SIRT7: variants seen among roughly 807,000 people sequenced by gnomAD.
SIRT7 encodes the protein NAD-dependent protein deacetylase sirtuin-7.
A neutral mutation model predicts 42.8 loss-of-function variants in SIRT7; 32 were observed. The observed-to-expected ratio is 0.75, with a 90% CI of 0.56 to 1.00. The LOEUF is 1.00. Ranked by LOEUF, SIRT7 falls within the 50% of genes least tolerant of loss-of-function variation. SIRT7 has a pLI of 0.00. For synonymous variants in SIRT7, 297 were observed against 245.2 expected, an observed-to-expected ratio of 1.21 and a Z score of -1.97; for missense variants, 553 against 572.2, an observed-to-expected ratio of 0.97 and a Z score of 0.34.
At chr17:81,914,812 C>T in intron 5 of SIRT7, 110 bp from the exon 6 acceptor site, 2 of 835,152 alleles carry the variant, frequency 2.4e-6, no homozygotes, top group East Asian at 5.0e-5. Context: ...GCTCCCAAAA[C>T]CAGGGGCAGC....
At chr17:81,916,298 A>T (rs1478691194) in intron 3 of SIRT7, 3 of 152,422 alleles carry the variant, frequency 2.0e-5, no homozygotes, top group Non-Finnish European at 2.9e-5. Context: ...TCCTGCTTAA[A>T]CTCAGAAAAA....
Position 81,914,429 on chromosome 17 carries a change from C to T in SIRT7, c.681G>A (p.Lys227=), listed in dbSNP as rs762564777. 12 of 1,613,400 alleles carry T rather than the reference C, an allele frequency of 7.4e-6. No individual in the cohort carries two copies. The East Asian group carries it at 2.7e-4, about 36-fold the overall frequency. ...TGGTGTCCCGCAGCTGGGTCCCACA[C>T]TTGTGGCAGGTCCGGCCTGTCTGGT... is the stretch of plus-strand genomic sequence containing the variant. ...HRHQTGRTCH[K]CGTQLRDTIV... Residue 227 remains lysine, a synonymous_variant, in exon 7 of 10, where the codon AAG becomes AAA. Coordinates refer to ENST00000328666, the MANE Select transcript of SIRT7 (RefSeq NM_016538.3).
chr17:81,911,995 A>G lies in SIRT7; in HGVS notation c.*421T>C, dbSNP rs765967836. ...AGGTCTGCATAGAGCCGAGGCTCGGAGCCACCCCTCTGCCGCACATCCAGT... is the reference window on the plus strand; with the variant it reads ...AGGTCTGCATAGAGCCGAGGCTCGGGGCCACCCCTCTGCCGCACATCCAGT... On this transcript the variant is annotated 3_prime_UTR_variant, in exon 10 of 10. Transcript: ENST00000328666. The G allele has an allele frequency of 4.2e-6, 1 of 235,790 alleles. No homozygotes were observed. The highest frequency in any genetic ancestry group is 4.5e-5 in the South Asian group (1 of 22,352). The allele number at this position is 235,790 out of a possible 1,614,324, so 14.6% of individuals were successfully genotyped here.
In SIRT7 at chr17:81,912,261, G is replaced by A; in HGVS notation, c.*155C>T. 1 of 936,784 alleles carries A rather than the reference G, an allele frequency of 1.1e-6. No individual in the cohort carries two copies. The highest frequency in any genetic ancestry group is 2.5e-5 in the East Asian group (1 of 40,392). 58.0% of individuals were successfully genotyped at this position (936,784 alleles called of 1,614,324 possible). A position where few individuals can be genotyped will look rare whatever the true frequency, so the allele number is the denominator to read the frequency against. On this transcript the variant is annotated 3_prime_UTR_variant, in exon 10 of 10. Coordinates refer to ENST00000328666, the MANE Select transcript of SIRT7 (RefSeq NM_016538.3). The stretch of plus-strand genomic sequence containing the variant: ...CGTATCAGGGTACAACCGCAGCAGT[G>A]CAAGGGGCTTCCTCAAGGACAAATG...
rs996817095 is a variant in SIRT7, at chr17:81,917,930, C to G, written c.131G>C (p.Ser44Thr). 3.6e-6 allele frequency: 5 copies of G among 1,396,228 alleles called. No individual in the cohort carries two copies. The highest frequency in any genetic ancestry group is 1.5e-5 in the African/African-American group (1 of 66,564). 86.5% of individuals were successfully genotyped at this position (1,396,228 alleles called of 1,614,324 possible). A position where few individuals can be genotyped will look rare whatever the true frequency, so the allele number is the denominator to read the frequency against. Residue 44 changes from serine (S) to threonine (T), a missense_variant, in exon 2 of 10, where the codon AGC (serine) becomes ACC (threonine). By Grantham distance (58) the Ser-to-Thr change is moderately conservative. Coordinates refer to ENST00000328666, the MANE Select transcript of SIRT7 (RefSeq NM_016538.3). The part of the protein sequence containing the change: ...RILRKAAAER[S>T]AEEGRLLAES... ...GGCCAGCAGCCGGCCCTCCTCGGCG[C>G]TGCGCTCCGCCGCCGCCTTCCTCAG...
At chr17:81,916,259 T>C (rs1025883828) in intron 3 of SIRT7, 1 of 154,066 alleles carries the variant, frequency 6.5e-6, no homozygotes, top group African/African-American at 2.4e-5. Flanking sequence ...GATCAAGGTG[T>C]CTTGTGTTCC....
In SIRT7 at chr17:81,912,515, C is replaced by T. The variant is rs773731851; in HGVS notation, c.1104G>A (p.Pro368=). 5.6e-6 allele frequency: 9 copies of T among 1,613,684 alleles called. No individual in the cohort carries two copies. Among genetic ancestry groups the T allele is most frequent in the African/African-American group, 2.7e-5 (2 of 74,934 alleles). ...KSLCRSREEA[P]PGDRGAPLSS... ...TAAGCGGTGCACCCCGGTCCCCAGG[C>T]GGGGCCTCCTCTCTGCTTCTGCACA... The change falls in exon 10 of 10, where the codon CCG becomes CCA. Residue 368 remains proline, a synonymous_variant. Transcript: ENST00000328666.
At position 81,912,138 on chromosome 17, in the gene SIRT7, C is replaced by T; in HGVS notation, c.*278G>A. 2.0e-6 allele frequency: 1 copy of T among 507,880 alleles called. No homozygotes were observed. Among genetic ancestry groups the T allele is most frequent in the South Asian group, 2.1e-5 (1 of 48,368 alleles). 31.5% of individuals were successfully genotyped at this position (507,880 alleles called of 1,614,324 possible). A position where few individuals can be genotyped will look rare whatever the true frequency, so the allele number is the denominator to read the frequency against. Reference sequence around the variant, plus strand: ...CCGCTGGGCGCTTCCACTCTGCAGGCCGGGGCTGAAATAACCCGAGTTCCG... The same window carrying T: ...CCGCTGGGCGCTTCCACTCTGCAGGTCGGGGCTGAAATAACCCGAGTTCCG... On this transcript the variant is annotated 3_prime_UTR_variant, in exon 10 of 10. Coordinates refer to ENST00000328666, the MANE Select transcript of SIRT7 (RefSeq NM_016538.3).
chr17:81,912,737 C>A, intron 9 of SIRT7, 123 bp from the exon 10 acceptor site: 1 of 1,056,680 alleles, frequency 9.5e-7, no homozygotes, highest in Non-Finnish European at 1.4e-6. Context: ...GTGTCAACTG[C>A]GGCGGGGCTC....
At position 81,913,012 on chromosome 17, in the gene SIRT7, C is replaced by A. The variant is rs3786152; in HGVS notation, c.1005-398G>T. ...GGGCAGGTGGACCAGACCCTCTCCC[C>A]CTTCCCAGCTGACTAGGGAGGCGTG... On this transcript the variant is annotated intron_variant, in intron 9 of 9. Coordinates refer to ENST00000328666, the MANE Select transcript of SIRT7 (RefSeq NM_016538.3). The surrounding 1 kb of genome is among the most constrained non-coding windows in gnomAD (Gnocchi z 5.0). The A allele has an allele frequency of 5.4e-6, 2 of 367,882 alleles. No individual in the cohort carries two copies. Among genetic ancestry groups the A allele is most frequent in the South Asian group, 2.2e-5 (1 of 45,296 alleles). The allele number at this position is 367,882 out of a possible 1,614,324, so 22.8% of individuals were successfully genotyped here.
intron 4 of SIRT7, 49 bp downstream of exon 4, chr17:81,915,562 G>A (rs771981216): frequency 3.3e-5 from 53 of 1,613,014 alleles, no homozygotes; most frequent in Admixed American, 2.2e-4. Context: ...GCTCAGGCCC[G>A]TGCTGCCGCT....
chr17:81,915,055 C>T, intron 5 of SIRT7: 1 of 481,292 alleles, frequency 2.1e-6, no homozygotes, highest in Non-Finnish European at 3.8e-6. Context: ...TTTCAGGTCC[C>T]TGGGGACCTA....
At position 81,914,763 on chromosome 17, in the gene SIRT7, T is replaced by C. The variant is rs1395647469; in HGVS notation, c.481-61A>G. On this transcript the variant is annotated intron_variant, in intron 5 of 9. Transcript: ENST00000328666. ...CTGCCAGTGGTGGTGGGGAGGTCAGTACCCGGCCACAGCGAGGCTGTTCTG... is the reference window on the plus strand; with the variant it reads ...CTGCCAGTGGTGGTGGGGAGGTCAGCACCCGGCCACAGCGAGGCTGTTCTG... The C allele has an allele frequency of 2.2e-6, 3 of 1,395,086 alleles. No individual in the cohort carries two copies. The African/African-American group carries it at 4.2e-5, about 20-fold the overall frequency. 86.4% of individuals were successfully genotyped at this position (1,395,086 alleles called of 1,614,324 possible).
In SIRT7 at chr17:81,913,348, G is replaced by A. The variant is rs1312848844; in HGVS notation, c.1004+426C>T. ...ACTTTTTACTCAATACATACACCAA[G>A]TCTAAATTATCACAAATTCTGTATT... On this transcript the variant is annotated intron_variant, in intron 9 of 9. Coordinates refer to ENST00000328666, the MANE Select transcript of SIRT7 (RefSeq NM_016538.3). This position sits in a 1 kb window ranked among gnomAD's most constrained non-coding sequence, Gnocchi z 5.0. 1.6e-5 allele frequency: 7 copies of A among 450,066 alleles called. No homozygotes were observed. Among genetic ancestry groups the A allele is most frequent in the Non-Finnish European group, 8.8e-6 (2 of 226,086 alleles). 27.9% of individuals were successfully genotyped at this position (450,066 alleles called of 1,614,324 possible).
At position 81,914,073 on chromosome 17, in the gene SIRT7, A is replaced by T; in HGVS notation, c.897+14T>A. On this transcript the variant is annotated intron_variant, in intron 8 of 9. Coordinates refer to ENST00000328666, the MANE Select transcript of SIRT7 (RefSeq NM_016538.3). ...ACCCAGATCTAAGGACGTGGCTCTC[A>T]GCACCCGAGTTACCTGCAGGTTCAC... The T allele has an allele frequency of 6.2e-7, 1 of 1,613,254 alleles. No homozygotes were observed. The highest frequency in any genetic ancestry group is 1.6e-4 in the Middle Eastern group (1 of 6,062).
chr17:81,914,125 G>T lies in SIRT7; in HGVS notation c.859C>A (p.Pro287Thr). 1 of 1,613,614 alleles carries T rather than the reference G, an allele frequency of 6.2e-7. No homozygotes were observed. The highest frequency in any genetic ancestry group is 1.1e-5 in the South Asian group (1 of 91,086). The change falls in exon 8 of 10, where the codon CCT becomes ACT. Residue 287 changes from proline (P) to threonine (T), a missense_variant. Pro to Thr is a conservative substitution (Grantham distance 38). Coordinates refer to ENST00000328666, the MANE Select transcript of SIRT7 (RefSeq NM_016538.3). ...YPRLWCMTKPPSRRPKLYIVN... is the reference protein window; with the variant it reads ...YPRLWCMTKPTSRRPKLYIVN... ...ATGTAAAGCTTCGGCCGCCGGCTAG[G>T]GGGCTTGGTCATGCACCAGAGGCGT...
In SIRT7 at chr17:81,913,136, G is replaced by A. The variant is rs1468267229; in HGVS notation, c.1005-522C>T. 4 of 376,350 alleles carry A rather than the reference G, an allele frequency of 1.1e-5. No individual in the cohort carries two copies. The highest frequency in any genetic ancestry group is 3.7e-5 in the Admixed American group (1 of 26,928). 23.3% of individuals were successfully genotyped at this position (376,350 alleles called of 1,614,324 possible). On this transcript the variant is annotated intron_variant, in intron 9 of 9. Coordinates refer to ENST00000328666, the MANE Select transcript of SIRT7 (RefSeq NM_016538.3). The surrounding 1 kb of genome is among the most constrained non-coding windows in gnomAD (Gnocchi z 5.0). ...AGATACGCACTGATAAGGAAAATGA[G>A]CTAAGTTAATGTAAAAAAAAAATAC...
rs1567907452 is a variant in SIRT7 at position 81,913,956 on chromosome 17, G to A, written c.898-76C>T. 19 of 1,537,522 alleles carry A rather than the reference G, an allele frequency of 1.2e-5. No individual in the cohort carries two copies. Among genetic ancestry groups the A allele is most frequent in the East Asian group, 2.4e-5 (1 of 41,918 alleles). On this transcript the variant is annotated intron_variant, in intron 8 of 9. Transcript: ENST00000328666. This position sits in a 1 kb window ranked among gnomAD's most constrained non-coding sequence, Gnocchi z 5.0. ...GTGGCCTGTCAGCCTTGGCCCCTAC[G>A]GGCTCAGTCGGTGCTCCCTGAGCAC...
Position 81,912,424 on chromosome 17 carries a change from C to G in SIRT7, c.1195G>C (p.Val399Leu). The G allele has an allele frequency of 1.9e-6, 3 of 1,614,126 alleles. No homozygotes were observed. The highest frequency in any genetic ancestry group is 2.5e-6 in the Non-Finnish European group (3 of 1,180,032). ...CTTCATCGAGCACGTGATTACGTCA[C>G]TTTCTTCCTTTTTGTGCGTTTTGTG... The part of the protein sequence containing the change: ...GCTKRTKRKK[V>L]T Residue 399 changes from valine to leucine, a missense_variant, in exon 10 of 10, where the codon GTG becomes CTG. Coordinates refer to ENST00000328666, the MANE Select transcript of SIRT7 (RefSeq NM_016538.3).
Sources: allele counts gnomAD v4.1 joint callset, GRCh38; gene constraint gnomAD v4.1.1; non-coding constraint Gnocchi (gnomAD v3.1); transcripts MANE v1.5; gene names NCBI Gene and HGNC (gene_info 2026-07-23, HGNC 2026-07-21).